ARHGEF3: variants seen among roughly 807,000 people sequenced by gnomAD.
ARHGEF3 encodes the protein 59.8 kDA protein.
A neutral mutation model predicts 63.2 loss-of-function variants in ARHGEF3; 28 were observed. That is an observed-to-expected ratio of 0.44 (90% CI 0.33 to 0.61). The LOEUF (loss-of-function observed/expected upper bound fraction) is 0.61. Among genes scored for constraint, ARHGEF3 ranks in the 20% least tolerant of loss-of-function variants. The pLI is 0.03. For synonymous variants in ARHGEF3, 266 were observed against 254.2 expected (o/e 1.05, Z -0.44); for missense variants, 533 against 659.3 (o/e 0.81, Z 2.10).
intron 2 of ARHGEF3, among the ~76,000 whole-genome samples, chr3:56,963,152 T>A (rs1246619575): frequency 6.6e-6 from 1 of 151,974 alleles, no homozygotes; most frequent in Non-Finnish European, 1.5e-5. Flanking sequence ...CATTTTCTCA[T>A]CTGTAAAGTG....
chr3:56,878,041 A>G (rs2040647705), intron 4 of ARHGEF3, among the ~76,000 whole-genome samples: 1 of 152,152 alleles, frequency 6.6e-6, no homozygotes, highest in Non-Finnish European at 1.5e-5. Flanking sequence ...TTTTCTAGAG[A>G]ACGTATATTC....
In ARHGEF3 at chr3:56,755,311, C is replaced by T. The variant is rs145787465; in HGVS notation, c.205-160G>A. On this transcript the variant is annotated intron_variant, in intron 2 of 9. Coordinates refer to ENST00000296315, the MANE Select transcript of ARHGEF3 (RefSeq NM_019555.3). ...GAAGTGGGGCATTGTCTTGAGCCTA[C>T]GTGCTAAGGAAAATTGGACAGGGGG... is the stretch of plus-strand genomic sequence containing the variant. 2.7e-3 allele frequency among the ~76,000 whole-genome samples: 411 copies of T among 152,276 alleles called. 1 individual carries two copies. The highest frequency in any genetic ancestry group is 9.6e-3 in the African/African-American group (398 of 41,532).
intron 4 of ARHGEF3, among the ~76,000 whole-genome samples, chr3:56,854,339 C>T (rs2039794346): frequency 6.6e-6 from 1 of 152,144 alleles, no homozygotes; most frequent in Non-Finnish European, 1.5e-5. Context: ...GGAGAAGGAG[C>T]AGTGCAATGG....
At position 56,935,305 on chromosome 3, in the gene ARHGEF3, G is replaced by A. The variant is rs373291261; in HGVS notation, c.129+23518C>T. On this transcript the variant is annotated intron_variant, in intron 3 of 12. Coordinates refer to the ARHGEF3 transcript ENST00000338458. ...AACCTTTGTGTCTAGCTCAGGGATT[G>A]TAAACGCACCAATCAGCGCCCTGTC... Among the ~76,000 whole-genome samples, 244 of 152,246 alleles carry A rather than the reference G, an allele frequency of 1.6e-3. 1 individual carries two copies. Among genetic ancestry groups the A allele is most frequent in the Middle Eastern group, 6.8e-3 (2 of 294 alleles).
chr3:56,753,684 A>G (rs1439111130), intron 3 of ARHGEF3, 118 bp from the exon 4 acceptor site: 1 of 851,480 alleles, frequency 1.2e-6, no homozygotes, highest in East Asian at 2.5e-5. Context: ...ATTTTAAGTT[A>G]CGTTAACCTG....
chr3:56,772,143 G>A (rs756790004), intron 2 of ARHGEF3, among the ~76,000 whole-genome samples: 3 of 152,136 alleles, frequency 2.0e-5, no homozygotes, highest in Middle Eastern at 3.2e-3. Flanking sequence ...GGGATCCAGC[G>A]GCCCAAGTGC....
intron 1 of ARHGEF3, among the ~76,000 whole-genome samples, chr3:56,787,718 G>GATAATAATAACA (rs2036892060): frequency 6.6e-6 from 1 of 150,796 alleles, no homozygotes; most frequent in African/African-American, 2.5e-5. Context: ...AACTTCCTCT[G>GATAATAATAACA]ATAATAATAA....
intron 3 of ARHGEF3, among the ~76,000 whole-genome samples, chr3:56,946,357 G>A (rs990476787): frequency 1.3e-5 from 2 of 152,078 alleles, no homozygotes; most frequent in Admixed American, 6.6e-5. Context: ...TCAAACCCAT[G>A]GCAAAGAAGT....
At chr3:56,918,375 G>A (rs2042037964) in intron 3 of ARHGEF3, among the ~76,000 whole-genome samples, 1 of 152,200 alleles carries the variant, frequency 6.6e-6, no homozygotes, top group Non-Finnish European at 1.5e-5. Context: ...GAGGAGGAAG[G>A]AAACATTCAC....
At chr3:56,798,335 A>G (rs2037470821) in intron 1 of ARHGEF3, among the ~76,000 whole-genome samples, 1 of 152,236 alleles carries the variant, frequency 6.6e-6, no homozygotes. Context: ...TCTGACCAAT[A>G]TCTAAGATGG....
At chr3:57,050,071 G>C (rs1704609667) in intron 1 of ARHGEF3, among the ~76,000 whole-genome samples, 1 of 152,110 alleles carries the variant, frequency 6.6e-6, no homozygotes, top group Non-Finnish European at 1.5e-5. Flanking sequence ...AGACCTGCAA[G>C]GTGTCCTCCA....
chr3:56,732,119 G>C, intron 9 of ARHGEF3, 119 bp downstream of exon 9: 2 of 1,171,078 alleles, frequency 1.7e-6, no homozygotes, highest in Admixed American at 2.1e-5. Context: ...TGATGAAATA[G>C]CATACAAATG....
intron 1 of ARHGEF3, among the ~76,000 whole-genome samples, chr3:57,055,351 G>A (rs905915075): frequency 2.6e-5 from 4 of 152,068 alleles, no homozygotes; most frequent in South Asian, 2.1e-4. Flanking sequence ...TAGAAGAGAC[G>A]GGGTTCCACT....
At chr3:56,737,031 G>A (rs943523119) in intron 8 of ARHGEF3, among the ~76,000 whole-genome samples, 154 bp downstream of exon 8, 1 of 152,100 alleles carries the variant, frequency 6.6e-6, no homozygotes, top group Non-Finnish European at 1.5e-5. Flanking sequence ...GAAGGCAGAG[G>A]TTGCAGTGAG....
intron 2 of ARHGEF3, among the ~76,000 whole-genome samples, chr3:56,771,280 T>A (rs2035991781): frequency 6.6e-6 from 1 of 152,184 alleles, no homozygotes; most frequent in African/African-American, 2.4e-5. Context: ...TCTAGGTCAA[T>A]GTAAATTTCT....
intron 4 of ARHGEF3, among the ~76,000 whole-genome samples, chr3:56,809,160 G>T (rs1194677291): frequency 6.6e-6 from 1 of 152,148 alleles, no homozygotes. Context: ...AAACCTGACC[G>T]TTGGCTGAAT....
chr3:57,032,948 G>A (rs1703793731), intron 2 of ARHGEF3, among the ~76,000 whole-genome samples: 1 of 152,174 alleles, frequency 6.6e-6, no homozygotes, highest in South Asian at 2.1e-4. Context: ...ATGGGTCCCT[G>A]TGGGGACAGA....
intron 4 of ARHGEF3, among the ~76,000 whole-genome samples, chr3:56,846,290 T>C (rs1206420695): frequency 2.0e-5 from 3 of 152,132 alleles, no homozygotes; most frequent in Non-Finnish European, 1.5e-5. Context: ...GCCAGAAATG[T>C]AGAAATTAGA....
intron 3 of ARHGEF3, among the ~76,000 whole-genome samples, chr3:56,926,346 A>C (rs1465388731): frequency 2.0e-5 from 3 of 152,214 alleles, no homozygotes; most frequent in Non-Finnish European, 4.4e-5. Context: ...TTCCAACTCC[A>C]CCCTGCAGGA....
Sources: allele counts gnomAD v4.1 joint callset (sites outside exome capture counted in the v4.1 genomes callset), GRCh38; gene constraint gnomAD v4.1.1; transcripts MANE v1.5; gene names NCBI Gene and HGNC (gene_info 2026-07-23, HGNC 2026-07-21).